Variants in GTF3C1 observed in about 807,000 individuals in gnomAD.
GTF3C1 encodes the protein general transcription factor 3C polypeptide 1.
Under a neutral mutation model 226.7 loss-of-function variants are expected in GTF3C1, and 57 were observed. That is an observed-to-expected ratio of 0.25 (90% CI 0.20 to 0.31). The LOEUF (loss-of-function observed/expected upper bound fraction) is 0.31, where lower values mean the gene tolerates loss of function less well. Ranked by LOEUF, GTF3C1 falls within the 10% of genes least tolerant of loss-of-function variation. The probability of loss-of-function intolerance (pLI) is 1.00; values close to 1 mark genes in which losing one functional copy is unlikely to be tolerated. For synonymous variants in GTF3C1, 1,090 were observed against 1,084.8 expected, an observed-to-expected ratio of 1.00 and a Z score of -0.09; for missense variants, 2,217 against 2,776.1, an observed-to-expected ratio of 0.80 and a Z score of 4.53.
chr16:27,508,515 G>A, intron 8 of GTF3C1, 25 bp downstream of exon 8: 2 of 1,524,142 alleles, frequency 1.3e-6, no homozygotes, highest in Non-Finnish European at 1.8e-6. Context: ...GACAACGAGT[G>A]TTGGGGGAAG....
intron 6 of GTF3C1, among the ~76,000 whole-genome samples, chr16:27,515,742 G>A (rs1224473515): frequency 6.6e-6 from 1 of 152,242 alleles, no homozygotes; most frequent in African/African-American, 2.4e-5. Flanking sequence ...TGCAAAATGG[G>A]ATGACAGTGT....
In GTF3C1 at chr16:27,535,330, T is replaced by A. The variant is rs56294246; in HGVS notation, c.753-1943A>T. Among the ~76,000 whole-genome samples, 795 of 152,262 alleles carry A rather than the reference T, an allele frequency of 5.2e-3. 8 individuals are homozygous for A. The highest frequency in any genetic ancestry group is 0.018 in the African/African-American group (752 of 41,542). Reference sequence around the variant, plus strand: ...GCTCACGCTTGTAATCCCAGCACTTTGGGAGGCCGAGGTGGGCGTATCACC... The same window carrying A: ...GCTCACGCTTGTAATCCCAGCACTTAGGGAGGCCGAGGTGGGCGTATCACC... On this transcript the variant is annotated intron_variant, in intron 4 of 36. Coordinates refer to ENST00000356183, the MANE Select transcript of GTF3C1 (RefSeq NM_001520.4).
rs1344429657 is a variant in GTF3C1, at chr16:27,511,920, G to A, written c.974-19C>T. 6.2e-7 allele frequency: 1 copy of A among 1,613,214 alleles called. No homozygotes were observed. The highest frequency in any genetic ancestry group is 1.1e-5 in the South Asian group (1 of 91,066). Reference sequence around the variant, plus strand: ...TCGGTCCCTGGCAACACAAGCACGGGTTTGCCAGCAATGAGTGAAAGCAGT... The same window carrying A: ...TCGGTCCCTGGCAACACAAGCACGGATTTGCCAGCAATGAGTGAAAGCAGT... On this transcript the variant is annotated intron_variant, in intron 6 of 36. Coordinates refer to ENST00000356183, the MANE Select transcript of GTF3C1 (RefSeq NM_001520.4).
intron 5 of GTF3C1, among the ~76,000 whole-genome samples, 164 bp from the exon 6 acceptor site, chr16:27,528,885 G>C (rs1452983182): frequency 6.6e-6 from 1 of 152,166 alleles, no homozygotes; most frequent in African/African-American, 2.4e-5. Flanking sequence ...ACCAAAACAA[G>C]GTCCAGAGCA....
rs547404436 is a variant in GTF3C1 at position 27,502,836 on chromosome 16, C to T, written c.1907+23G>A. 4.3e-5 allele frequency: 67 copies of T among 1,553,176 alleles called. 2 individuals are homozygous for T. In the South Asian group the frequency reaches 7.4e-4, roughly 17 times the overall value. On this transcript the variant is annotated intron_variant, in intron 11 of 36. Transcript: ENST00000356183. ...ATTACTGTTAGTGCCAGCAGACAGACAGACAGACAGACAGCTCCTTACGTG... is the reference window on the plus strand; with the variant it reads ...ATTACTGTTAGTGCCAGCAGACAGATAGACAGACAGACAGCTCCTTACGTG...
chr16:27,501,418 G>C, intron 11 of GTF3C1, 74 bp from the exon 12 acceptor site: 1 of 1,342,570 alleles, frequency 7.4e-7, no homozygotes, highest in South Asian at 1.2e-5. Flanking sequence ...AGGCAACACA[G>C]ACATGCCTCA....
intron 6 of GTF3C1, among the ~76,000 whole-genome samples, chr16:27,527,784 T>C (rs1209406440): frequency 2.0e-5 from 3 of 152,078 alleles, no homozygotes; most frequent in African/African-American, 7.2e-5. Context: ...GGTGGATCAC[T>C]TGAGTCCAGG....
chr16:27,506,915 T>G lies in GTF3C1; in HGVS notation c.1484A>C (p.Gln495Pro). The G allele has an allele frequency of 6.2e-7, 1 of 1,613,972 alleles. No homozygotes were observed. The highest frequency in any genetic ancestry group is 1.1e-5 in the South Asian group (1 of 91,022). The change falls in exon 9 of 37, where the codon CAG becomes CCG. Residue 495 changes from glutamine (Q) to proline (P), a missense_variant. Physicochemically the swap from Gln to Pro is moderately conservative, Grantham distance 76. Transcript: ENST00000356183. ...SSSKRRGRGS[Q>P]KDTRASANLR... ...GTTTGCAGAGGCTCTTGTGTCTTTC[T>G]GGGACCCTCTGCCTCTCCGCTTGCT... is the stretch of plus-strand genomic sequence containing the variant.
At chr16:27,538,065 G>A (rs1040317356) in intron 3 of GTF3C1, 115 bp downstream of exon 3, 8 of 1,267,914 alleles carry the variant, frequency 6.3e-6, no homozygotes, top group African/African-American at 3.0e-5. Context: ...GTGAGACCAC[G>A]GCCTTGAAAC....
rs1391275464 is a variant in GTF3C1 at position 27,463,570 on chromosome 16, A to C, written c.5895T>G (p.Ala1965=). Residue 1965 remains alanine, a synonymous_variant, in exon 35 of 37, where the codon GCT becomes GCG. Coordinates refer to ENST00000356183, the MANE Select transcript of GTF3C1 (RefSeq NM_001520.4). This position sits in a 1 kb window ranked among gnomAD's most constrained non-coding sequence, Gnocchi z 4.9. ...CCCGTGCTGCCTGGGAGATGTTGGCAGCTCCGAAACTCTCTGTGAACCCTG... is the reference window on the plus strand; with the variant it reads ...CCCGTGCTGCCTGGGAGATGTTGGCCGCTCCGAAACTCTCTGTGAACCCTG... ...DPRGFTESFG[A]ANISQAARER... 6.2e-7 allele frequency: 1 copy of C among 1,604,580 alleles called. No homozygotes were observed. The highest frequency in any genetic ancestry group is 8.5e-7 in the Non-Finnish European group (1 of 1,171,322).
At chr16:27,494,666 C>T (rs1047119384) in intron 16 of GTF3C1, 97 bp downstream of exon 16, 10 of 813,828 alleles carry the variant, frequency 1.2e-5, no homozygotes, top group African/African-American at 1.7e-5. Flanking sequence ...TGGGCAACAC[C>T]GGGTCTTCAA....
intron 8 of GTF3C1, among the ~76,000 whole-genome samples, chr16:27,508,183 G>A (rs939621102): frequency 7.2e-5 from 11 of 152,186 alleles, no homozygotes; most frequent in Admixed American, 5.2e-4. Flanking sequence ...CTAATTTTTT[G>A]TACTTTTAGT....
intron 6 of GTF3C1, among the ~76,000 whole-genome samples, chr16:27,516,537 G>A (rs1019593349): frequency 1.3e-5 from 2 of 152,296 alleles, no homozygotes; most frequent in Admixed American, 6.5e-5. Context: ...GTATCCGCCC[G>A]GCAAATAAGC....
At position 27,492,072 on chromosome 16, in the gene GTF3C1, T is replaced by A. The variant is rs1190928141; in HGVS notation, c.3151+266A>T. On this transcript the variant is annotated intron_variant, in intron 19 of 36. Transcript: ENST00000356183. The surrounding 1 kb of genome is among the most constrained non-coding windows in gnomAD (Gnocchi z 5.0). The stretch of plus-strand genomic sequence containing the variant: ...CAGGAAGTGACACACAGCCGGTGTG[T>A]TTAATAAATACCTACTCAATGAACA... 3.3e-5 allele frequency among the ~76,000 whole-genome samples: 5 copies of A among 152,084 alleles called. No homozygotes were observed. Among genetic ancestry groups the A allele is most frequent in the Admixed American group, 3.3e-4 (5 of 15,268 alleles).
Position 27,464,532 on chromosome 16 carries a change from G to T in GTF3C1, c.5660C>A (p.Ala1887Glu). Reference protein sequence around the residue: ...GTQMTPAKRPALQDSNLAPSL... With the variant: ...GTQMTPAKRPELQDSNLAPSL... ...GGGGGCCAAATTTGAGTCCTGGAGC[G>T]CTGGCCTCTTGGCAGGGGTCATCTG... Residue 1887 changes from alanine to glutamate, a missense_variant, in exon 34 of 37, where the codon GCG becomes GAG. Ala to Glu is a moderately radical substitution (Grantham distance 107). This residue lies in a region of GTF3C1 where 455 missense variants were observed against 441.9 expected (regional missense o/e 1.03). Coordinates refer to ENST00000356183, the MANE Select transcript of GTF3C1 (RefSeq NM_001520.4). 6.6e-7 allele frequency: 1 copy of T among 1,513,070 alleles called. No homozygotes were observed. The highest frequency in any genetic ancestry group is 1.3e-5 in the South Asian group (1 of 75,296). The allele number at this position is 1,513,070 out of a possible 1,614,324, so 93.7% of individuals were successfully genotyped here.
intron 32 of GTF3C1, among the ~76,000 whole-genome samples, chr16:27,466,702 G>A (rs1472709284): frequency 6.6e-6 from 1 of 152,206 alleles, no homozygotes; most frequent in Non-Finnish European, 1.5e-5. Flanking sequence ...AAGTTGTGAA[G>A]GCAAAGGAAA....
Position 27,464,760 on chromosome 16 carries a change from G to T in GTF3C1, c.5432C>A (p.Pro1811His). 1 of 1,575,228 alleles carries T rather than the reference G, an allele frequency of 6.3e-7. No individual in the cohort carries two copies. The highest frequency in any genetic ancestry group is 8.5e-7 in the Non-Finnish European group (1 of 1,171,898). Residue 1811 changes from proline to histidine, a missense_variant, in exon 34 of 37, where the codon CCT (proline) becomes CAT (histidine). Around this residue, in one of 12 missense-constraint regions of GTF3C1, gnomAD observed 455 missense variants for 441.9 expected, o/e 1.03. Transcript: ENST00000356183. Reference protein sequence around the residue: ...ARLVAMGSAWPWLLHSVRLKD... With the variant: ...ARLVAMGSAWHWLLHSVRLKD... The stretch of plus-strand genomic sequence containing the variant: ...CAGCCGCACGGAGTGCAGGAGCCAA[G>T]GCCAGGCAGAGCCCATGGCTACCAG...
chr16:27,495,123 T>C (rs2088295987), intron 15 of GTF3C1, 88 bp downstream of exon 15: 1 of 1,035,064 alleles, frequency 9.7e-7, no homozygotes, highest in Non-Finnish European at 1.4e-6. Context: ...AGCCAGTTTA[T>C]ATAAGGAAAA....
chr16:27,495,151 C>A, intron 15 of GTF3C1, 60 bp downstream of exon 15: 1 of 1,270,852 alleles, frequency 7.9e-7, no homozygotes, highest in South Asian at 1.3e-5. Flanking sequence ...TCATGTTTCT[C>A]CCTGGATCCT....
Sources: allele counts gnomAD v4.1 joint callset (sites outside exome capture counted in the v4.1 genomes callset), GRCh38; gene constraint gnomAD v4.1.1; regional missense constraint gnomAD v4.1.1; non-coding constraint Gnocchi (gnomAD v3.1); transcripts MANE v1.5; gene names NCBI Gene and HGNC (gene_info 2026-07-23, HGNC 2026-07-21).